TSHZ2: variants seen among roughly 807,000 people sequenced by gnomAD.
TSHZ2 encodes teashirt homolog 2.
In TSHZ2, 21 loss-of-function variants were observed where a neutral mutation model predicts 74.4. The observed-to-expected ratio is 0.28, with a 90% CI of 0.20 to 0.41. TSHZ2 has a LOEUF of 0.41. Among genes scored for constraint, TSHZ2 ranks in the 10% least tolerant of loss-of-function variants. The probability of loss-of-function intolerance (pLI) is 1.00; values close to 1 mark genes in which losing one functional copy is unlikely to be tolerated. For missense variants in TSHZ2, 1,244 were observed against 1,293.5 expected (o/e 0.96, Z 0.59); for synonymous variants, 540 against 515.3 (o/e 1.05, Z -0.65).
intron 2 of TSHZ2, among the ~76,000 whole-genome samples, chr20:53,452,512 T>G (rs1003247255): frequency 6.6e-6 from 1 of 151,554 alleles, no homozygotes; most frequent in African/African-American, 2.4e-5. Flanking sequence ...AGGCAGAGAA[T>G]TGCTTGAACC....
Position 52,972,422 on chromosome 20 carries a change from GGT to G in TSHZ2, c.-859_-858del, listed in dbSNP as rs370946896. 21 of 144,086 alleles carry G rather than the reference GGT, an allele frequency of 1.5e-4. No individual in the cohort carries two copies. The highest frequency in any genetic ancestry group is 3.0e-4 in the Non-Finnish European group (19 of 63,680). The allele number at this position is 144,086 out of a possible 1,614,324, so 8.9% of individuals were successfully genotyped here. On this transcript the variant is annotated 5_prime_UTR_variant, in exon 1 of 3. An upstream open reading frame in the 5' UTR gains an earlier in-frame stop. Coordinates refer to ENST00000371497, the MANE Select transcript of TSHZ2 (RefSeq NM_173485.6). ...GCCCTGTCTTGTGTGTGTGTGCGAGGGTGTGTGTGTGTGTTTGTGTGTGTGTG... is the reference window on the plus strand; with the variant it reads ...GCCCTGTCTTGTGTGTGTGTGCGAGGGTGTGTGTGTGTTTGTGTGTGTGTG...
At chr20:53,362,097 C>T (rs6022420) in intron 2 of TSHZ2, among the ~76,000 whole-genome samples, 5,658 of 152,112 alleles carry the variant, frequency 0.037, 385 homozygotes, top group African/African-American at 0.13. Context: ...CTCCCAACCT[C>T]AGGTGATCCA....
chr20:53,123,440 G>A (rs1477955257), intron 1 of TSHZ2, among the ~76,000 whole-genome samples: 1 of 152,120 alleles, frequency 6.6e-6, no homozygotes, highest in African/African-American at 2.4e-5. Context: ...ACTATCGGTT[G>A]GCTGATCTAG....
In TSHZ2 at chr20:53,007,614, T is replaced by C. The variant is rs554348815; in HGVS notation, c.40+34281T>C. On this transcript the variant is annotated intron_variant, in intron 1 of 2. Coordinates refer to ENST00000371497, the MANE Select transcript of TSHZ2 (RefSeq NM_173485.6). ...CAAGAAAGAAATGTGTGTTTGTGTG[T>C]GTGTGTGTGTGAGTATGTGTGTATA... Among the ~76,000 whole-genome samples, 13 of 152,094 alleles carry C rather than the reference T, an allele frequency of 8.5e-5. No homozygotes were observed. In the South Asian group the frequency reaches 2.7e-3, roughly 32 times the overall value.
chr20:53,133,875 T>C (rs1054380010), intron 1 of TSHZ2, among the ~76,000 whole-genome samples: 10 of 150,402 alleles, frequency 6.6e-5, no homozygotes, highest in Non-Finnish European at 1.5e-4. Context: ...CTTTGACCAA[T>C]AGAACAAGTA....
intron 1 of TSHZ2, among the ~76,000 whole-genome samples, chr20:53,140,276 C>T (rs1371248474): frequency 6.6e-6 from 1 of 151,874 alleles, no homozygotes; most frequent in East Asian, 1.9e-4. Flanking sequence ...CACGGTGGCT[C>T]GCGCCTGTAA....
At chr20:53,110,630 G>C (rs1986505755) in intron 1 of TSHZ2, among the ~76,000 whole-genome samples, 1 of 152,126 alleles carries the variant, frequency 6.6e-6, no homozygotes, top group African/African-American at 2.4e-5. Context: ...GAGCAGTTGG[G>C]ATATGAGATA....
At chr20:53,465,036 A>T (rs951168172) in intron 2 of TSHZ2, among the ~76,000 whole-genome samples, 1 of 152,166 alleles carries the variant, frequency 6.6e-6, no homozygotes, top group Non-Finnish European at 1.5e-5. Context: ...GGTTCCCCAT[A>T]ACATACTTCA....
In TSHZ2 at chr20:53,254,695, T is replaced by G; in HGVS notation, c.1237T>G (p.Ser413Ala). Residue 413 changes from serine to alanine, a missense_variant, in exon 2 of 3, where the codon TCC becomes GCC. Transcript: ENST00000371497. ...GHFLKVTSSA[S>A]KKGKQLVLDP... ...CTTTCTCAAGGTCACCAGCTCTGCCTCCAAGAAAGGGAAGCAGCTGGTATT... is the reference window on the plus strand; with the variant it reads ...CTTTCTCAAGGTCACCAGCTCTGCCGCCAAGAAAGGGAAGCAGCTGGTATT... The G allele has an allele frequency of 6.2e-7, 1 of 1,614,142 alleles. No individual in the cohort carries two copies. Among genetic ancestry groups the G allele is most frequent in the Non-Finnish European group, 8.5e-7 (1 of 1,180,014 alleles).
At chr20:53,470,526 T>C (rs189419834) in intron 2 of TSHZ2, among the ~76,000 whole-genome samples, 171 of 152,224 alleles carry the variant, frequency 1.1e-3, no homozygotes, top group Non-Finnish European at 2.4e-4. Context: ...TTTAAAATAA[T>C]AACACTTGGC....
At chr20:53,048,516 C>T (rs747417636) in intron 1 of TSHZ2, among the ~76,000 whole-genome samples, 5 of 152,156 alleles carry the variant, frequency 3.3e-5, no homozygotes, top group African/African-American at 1.2e-4. Context: ...GAGCCATTAC[C>T]CTCCTCCTGA....
chr20:53,335,981 C>A (rs1174499923), intron 2 of TSHZ2, among the ~76,000 whole-genome samples: 2 of 152,136 alleles, frequency 1.3e-5, no homozygotes, highest in African/African-American at 4.8e-5. Context: ...TTTTGAATTC[C>A]TATAATATTT....
At chr20:53,160,959 C>T (rs1231458811) in intron 1 of TSHZ2, among the ~76,000 whole-genome samples, 1 of 151,500 alleles carries the variant, frequency 6.6e-6, no homozygotes, top group East Asian at 1.9e-4. Context: ...TAAAAGCAGA[C>T]CAGTGATAGG....
chr20:53,311,718 T>C (rs767381861), intron 2 of TSHZ2, among the ~76,000 whole-genome samples: 2 of 152,230 alleles, frequency 1.3e-5, no homozygotes, highest in Non-Finnish European at 2.9e-5. Context: ...TCCACTCTCA[T>C]GAGCACTGTG....
chr20:53,233,893 C>T (rs942371017), intron 1 of TSHZ2, among the ~76,000 whole-genome samples: 7 of 152,150 alleles, frequency 4.6e-5, no homozygotes, highest in African/African-American at 1.7e-4. Flanking sequence ...AAATAACATG[C>T]TTTGGATTTT....
In TSHZ2 at chr20:53,255,344, G is replaced by A. The variant is rs140403903; in HGVS notation, c.1886G>A (p.Ser629Asn). The stretch of plus-strand genomic sequence containing the variant: ...GAAGAGGCCTCATCTTTCAGCCACA[G>A]TGAGGGCGATTCTTTCCGCAAAAGT... ...PHEEASSFSHSEGDSFRKSET... is the reference protein window; with the variant it reads ...PHEEASSFSHNEGDSFRKSET... Residue 629 changes from serine (S) to asparagine (N), a missense_variant, in exon 2 of 3, where the codon AGT becomes AAT. Around this residue, in one of 6 missense-constraint regions of TSHZ2, gnomAD observed 562 missense variants for 544.0 expected, o/e 1.03. Transcript: ENST00000371497. This position sits in a 1 kb window ranked among gnomAD's most constrained non-coding sequence, Gnocchi z 4.1. The A allele has an allele frequency of 9.6e-5, 155 of 1,614,146 alleles. No homozygotes were observed. In the African/African-American group the frequency reaches 1.2e-3, roughly 13 times the overall value.
intron 2 of TSHZ2, among the ~76,000 whole-genome samples, chr20:53,342,955 CTTTTTTTTTTT>C (rs1175907478): frequency 4.9e-5 from 3 of 61,218 alleles, no homozygotes; most frequent in South Asian, 8.2e-4. Flanking sequence ...CTTTTCTTTT[CTTTTTTTTTTT>C]TTTTTTTTTT....
At chr20:53,380,257 A>G (rs564625298) in intron 2 of TSHZ2, among the ~76,000 whole-genome samples, 50 of 152,296 alleles carry the variant, frequency 3.3e-4, no homozygotes, top group Middle Eastern at 3.4e-3. Flanking sequence ...TACCTGCAAT[A>G]GAGGTGATTT....
intron 1 of TSHZ2, among the ~76,000 whole-genome samples, chr20:53,003,293 T>TGC (rs1568714504): frequency 7.0e-6 from 1 of 143,304 alleles, no homozygotes; most frequent in Non-Finnish European, 1.6e-5. Flanking sequence ...TGTGTGTGTG[T>TGC]GTGAAATTTT....
Sources: gnomAD v4.1 joint callset for allele counts (sites outside exome capture counted in the v4.1 genomes callset) on GRCh38, gnomAD v4.1.1 for gene constraint, gnomAD v4.1.1 regional missense constraint, Gnocchi (gnomAD v3.1) non-coding constraint, MANE v1.5 for transcripts, NCBI Gene and HGNC (gene_info 2026-07-23, HGNC 2026-07-21) for gene names.